HTR4: variants seen among roughly 807,000 people sequenced by gnomAD.
The protein encoded by HTR4 is 5-hydroxytryptamine receptor 4, also known as 5-hydroxytryptamine (serotonin) receptor 4, G protein-coupled.
A neutral mutation model predicts 36.8 loss-of-function variants in HTR4; 16 were observed. That is an observed-to-expected ratio of 0.43 (90% CI 0.29 to 0.66). The LOEUF is 0.66. Ranked by LOEUF, HTR4 falls within the 30% of genes least tolerant of loss-of-function variation. The pLI is 0.13. For missense variants in HTR4, 438 were observed against 490.9 expected, an observed-to-expected ratio of 0.89 and a Z score of 1.02; for synonymous variants, 189 against 185.1, an observed-to-expected ratio of 1.02 and a Z score of -0.17.
intron 5 of HTR4, among the ~76,000 whole-genome samples, chr5:148,521,382 G>A (rs1673975992): frequency 6.6e-6 from 1 of 152,096 alleles, no homozygotes; most frequent in East Asian, 1.9e-4. Context: ...CCCAATGCAG[G>A]TGAACCTCAT....
rs895280439 is a variant in HTR4, at chr5:148,509,901, C to A, written c.631G>T (p.Ala211Ser). ...GCTGTGACATAGATGCGGTAATAGG[C>A]CAGCACCATGAGGAGAAATGGGATG... ...FYIPFLLMVL[A>S]YYRIYVTAKE... The change falls in exon 6 of 7, where the codon GCC (alanine) becomes TCC (serine). Residue 211 changes from alanine to serine, a missense_variant. By Grantham distance (99) the Ala-to-Ser change is moderately conservative. Transcript: ENST00000377888. The A allele has an allele frequency of 6.2e-7, 1 of 1,613,940 alleles. No homozygotes were observed. The highest frequency in any genetic ancestry group is 8.5e-7 in the Non-Finnish European group (1 of 1,179,982).
At chr5:148,590,042 C>T (rs1261956278) in intron 2 of HTR4, among the ~76,000 whole-genome samples, 1 of 152,136 alleles carries the variant, frequency 6.6e-6, no homozygotes, top group Non-Finnish European at 1.5e-5. Context: ...ATTTCACTCT[C>T]TGCTTCTATG....
chr5:148,482,558 A>C lies in HTR4; in HGVS notation c.*645T>G. The C allele has an allele frequency of 1.0e-6, 1 of 986,178 alleles. No homozygotes were observed. Among genetic ancestry groups the C allele is most frequent in the Non-Finnish European group, 1.2e-6 (1 of 830,460 alleles). The allele number at this position is 986,178 out of a possible 1,614,324, so 61.1% of individuals were successfully genotyped here. A position where few individuals can be genotyped will look rare whatever the true frequency, so the allele number is the denominator to read the frequency against. ...TGGAGCATGTCCTGAAGAGGAGGAC[A>C]GACATTGGACATAAGGAAGAGCAAG... On this transcript the variant is annotated 3_prime_UTR_variant, in exon 7 of 7. Coordinates refer to ENST00000377888, the MANE Select transcript of HTR4 (RefSeq NM_000870.7).
intron 2 of HTR4, among the ~76,000 whole-genome samples, chr5:148,634,931 T>C (rs983224426): frequency 6.6e-6 from 1 of 152,176 alleles, no homozygotes; most frequent in Admixed American, 6.6e-5. Flanking sequence ...TTCATGCTTT[T>C]AAAATAATAA....
intron 2 of HTR4, among the ~76,000 whole-genome samples, chr5:148,559,712 T>C (rs1477130259): frequency 1.3e-5 from 2 of 152,070 alleles, no homozygotes; most frequent in Non-Finnish European, 1.5e-5. Flanking sequence ...TCCCCCTTTT[T>C]TAACCCTCTT....
intron 2 of HTR4, among the ~76,000 whole-genome samples, chr5:148,635,296 TC>T (rs1166990822): frequency 1.2e-4 from 18 of 152,134 alleles, no homozygotes; most frequent in Admixed American, 1.2e-3. Flanking sequence ...TTATGGACAT[TC>T]AAAGGCTGTA....
Position 148,654,165 on chromosome 5 carries a change from C to G in HTR4, c.-151G>C, listed in dbSNP as rs1353403446. 1.0e-6 allele frequency: 1 copy of G among 985,592 alleles called. No homozygotes were observed. Among genetic ancestry groups the G allele is most frequent in the Non-Finnish European group, 1.2e-6 (1 of 830,090 alleles). The allele number at this position is 985,592 out of a possible 1,614,324, so 61.1% of individuals were successfully genotyped here. A position where few individuals can be genotyped will look rare whatever the true frequency, so the allele number is the denominator to read the frequency against. ...GCCGCCGCTGCCGCTGCGCTCCCAG[C>G]CGCTGCCTGCGCCCTCCCTGCCGCC... On this transcript the variant is annotated 5_prime_UTR_variant, in exon 1 of 7. Transcript: ENST00000377888.
In HTR4 at chr5:148,654,228, C is replaced by G; in HGVS notation, c.-214G>C. On this transcript the variant is annotated 5_prime_UTR_variant, in exon 1 of 7. Coordinates refer to ENST00000377888, the MANE Select transcript of HTR4 (RefSeq NM_000870.7). ...GGCTCCAGCCCCCGCGCTGGGGAGCCGGCGAGCGTGAGGCGCGGGCCAGGG... is the reference window on the plus strand; with the variant it reads ...GGCTCCAGCCCCCGCGCTGGGGAGCGGGCGAGCGTGAGGCGCGGGCCAGGG... 2 of 985,146 alleles carry G rather than the reference C, an allele frequency of 2.0e-6. No individual in the cohort carries two copies. Among genetic ancestry groups the G allele is most frequent in the Non-Finnish European group, 2.4e-6 (2 of 829,836 alleles). 61.0% of individuals were successfully genotyped at this position (985,146 alleles called of 1,614,324 possible).
chr5:148,629,480 G>A (rs1753243414), intron 2 of HTR4: 1 of 152,146 alleles, frequency 6.6e-6, no homozygotes, highest in South Asian at 2.1e-4. Flanking sequence ...AGTCCAGGGG[G>A]AAGCTTTGAG....
intron 5 of HTR4, among the ~76,000 whole-genome samples, chr5:148,512,595 A>G (rs1380567140): frequency 1.3e-5 from 2 of 152,294 alleles, no homozygotes; most frequent in East Asian, 3.9e-4. Flanking sequence ...ACTTTTGGTT[A>G]GTACTTGTAT....
chr5:148,487,978 A>C (rs2113728989), intron 6 of HTR4, among the ~76,000 whole-genome samples: 1 of 152,340 alleles, frequency 6.6e-6, no homozygotes, highest in South Asian at 2.1e-4. Flanking sequence ...GAGAAAGCAA[A>C]AAATGTAAAG....
chr5:148,650,234 A>G (rs780028298), intron 1 of HTR4, among the ~76,000 whole-genome samples: 1 of 152,194 alleles, frequency 6.6e-6, no homozygotes, highest in East Asian at 1.9e-4. Flanking sequence ...TTAACCAATC[A>G]TGAGGCTGGT....
intron 2 of HTR4, among the ~76,000 whole-genome samples, chr5:148,579,547 T>C (rs900910606): frequency 6.6e-6 from 1 of 152,034 alleles, no homozygotes; most frequent in Non-Finnish European, 1.5e-5. Context: ...ATAACACCCA[T>C]TCATTATCTC....
downstream of HTR4, among the ~76,000 whole-genome samples, chr5:148,478,249 TC>T (rs909628036): frequency 1.3e-5 from 2 of 152,172 alleles, no homozygotes; most frequent in African/African-American, 4.8e-5. Context: ...ACTAGTCTCT[TC>T]CCCTTAAATG....
intron 2 of HTR4, among the ~76,000 whole-genome samples, chr5:148,618,546 C>A: frequency 6.6e-6 from 1 of 152,312 alleles, no homozygotes; most frequent in Non-Finnish European, 1.5e-5. Flanking sequence ...TGTTCCTGAT[C>A]TCTTTGTGGG....
chr5:148,534,365 C>T (rs967708611), intron 4 of HTR4, among the ~76,000 whole-genome samples: 1 of 152,132 alleles, frequency 6.6e-6, no homozygotes, highest in African/African-American at 2.4e-5. Context: ...TGGAGCAGGC[C>T]CCCAGCATAC....
chr5:148,493,224 G>A lies in HTR4; in HGVS notation c.1077-9931C>T, dbSNP rs1756538605. On this transcript the variant is annotated intron_variant, in intron 6 of 6. Coordinates refer to ENST00000377888, the MANE Select transcript of HTR4 (RefSeq NM_000870.7). Reference sequence around the variant, plus strand: ...ATGGGGACCAAGGCCGGCTTTGTGGGTATGTGACCAGTGCATATACAGGAA... The same window carrying A: ...ATGGGGACCAAGGCCGGCTTTGTGGATATGTGACCAGTGCATATACAGGAA... Among the ~76,000 whole-genome samples, 3 of 152,168 alleles carry A rather than the reference G, an allele frequency of 2.0e-5. No homozygotes were observed. The South Asian group carries it at 6.2e-4, about 31-fold the overall frequency.
chr5:148,553,440 G>A (rs138399862), intron 2 of HTR4, among the ~76,000 whole-genome samples: 214 of 152,332 alleles, frequency 1.4e-3, no homozygotes, highest in African/African-American at 4.6e-3. Context: ...TCCACCCTCA[G>A]AGGTGCTGAT....
chr5:148,563,367 T>C (rs1007344393), intron 2 of HTR4, among the ~76,000 whole-genome samples: 5 of 152,210 alleles, frequency 3.3e-5, no homozygotes, highest in Non-Finnish European at 5.9e-5. Context: ...AGAGAGGACT[T>C]ATTTAAAAAA....
Sources: gnomAD v4.1 joint callset for allele counts (sites outside exome capture counted in the v4.1 genomes callset) on GRCh38, gnomAD v4.1.1 for gene constraint, MANE v1.5 for transcripts, NCBI Gene and HGNC (gene_info 2026-07-23, HGNC 2026-07-21) for gene names.